The following AGBL4 variants were observed in gnomAD, a reference collection of about 807,000 sequenced individuals.
The protein encoded by AGBL4 is AGBL carboxypeptidase 4, also known as cytosolic carboxypeptidase 6.
AGBL4 carries 58 observed loss-of-function variants against 66.4 expected under a neutral mutation model. The observed-to-expected ratio is 0.87, with a 90% CI of 0.71 to 1.09. The LOEUF is 1.09. Ranked by LOEUF, AGBL4 falls within the 50% of genes least tolerant of loss-of-function variation. AGBL4 has a pLI of 0.00. For synonymous variants in AGBL4, 234 were observed against 222.9 expected (o/e 1.05, Z -0.44); for missense variants, 579 against 631.0 (o/e 0.92, Z 0.88).
chr1:49,244,786 T>G (rs1651509251), intron 4 of AGBL4, among the ~76,000 whole-genome samples: 1 of 151,860 alleles, frequency 6.6e-6, no homozygotes, highest in Non-Finnish European at 1.5e-5. Context: ...TAAATTCTCA[T>G]AACAAATTCA....
intron 11 of AGBL4, among the ~76,000 whole-genome samples, chr1:48,544,258 C>A (rs936755207): frequency 6.6e-6 from 1 of 152,114 alleles, no homozygotes; most frequent in Admixed American, 6.5e-5. Flanking sequence ...CCAGCTTTCA[C>A]CCAGCCAGTC....
chr1:48,725,184 T>C (rs1457429158), intron 6 of AGBL4, among the ~76,000 whole-genome samples: 1 of 152,226 alleles, frequency 6.6e-6, no homozygotes, highest in Non-Finnish European at 1.5e-5. Flanking sequence ...CCCATCCATT[T>C]CTTTTTAATA....
intron 4 of AGBL4, among the ~76,000 whole-genome samples, chr1:49,227,487 T>A (rs1650001845): frequency 1.3e-5 from 2 of 152,154 alleles, no homozygotes; most frequent in Non-Finnish European, 2.9e-5. Flanking sequence ...CTCAGGTGCA[T>A]ATCTGATCAC....
intron 2 of AGBL4, among the ~76,000 whole-genome samples, chr1:49,832,993 T>A (rs1645737470): frequency 1.3e-5 from 2 of 151,980 alleles, no homozygotes; most frequent in Non-Finnish European, 1.5e-5. Flanking sequence ...AGCTCTTTAG[T>A]TTAATTAGAT....
intron 2 of AGBL4, among the ~76,000 whole-genome samples, chr1:49,798,098 T>C (rs1475820628): frequency 1.3e-5 from 2 of 152,146 alleles, no homozygotes; most frequent in Non-Finnish European, 2.9e-5. Flanking sequence ...GAGATATTCT[T>C]GACCAATAAA....
intron 1 of AGBL4, among the ~76,000 whole-genome samples, chr1:49,919,247 G>A (rs1159577862): frequency 6.6e-6 from 1 of 152,116 alleles, no homozygotes. Context: ...CAATCAGGCA[G>A]GAGAAAGAAA....
intron 4 of AGBL4, among the ~76,000 whole-genome samples, chr1:49,158,548 T>C (rs765215863): frequency 1.3e-5 from 2 of 152,136 alleles, no homozygotes; most frequent in Admixed American, 1.3e-4. Flanking sequence ...ATTCTGTTGA[T>C]GTGGGGTGGA....
In AGBL4 at chr1:48,533,998, T is replaced by C. The variant is rs1337133983; in HGVS notation, c.*175A>G. ...TTTGAGCTGAAGGCTTACAATTGAT[T>C]TTCCATTGGAAAAAGGGAAAATCAG... On this transcript the variant is annotated 3_prime_UTR_variant, in exon 14 of 14. Coordinates refer to ENST00000371839, the MANE Select transcript of AGBL4 (RefSeq NM_032785.4). 2.8e-6 allele frequency: 3 copies of C among 1,087,408 alleles called. No individual in the cohort carries two copies. Among genetic ancestry groups the C allele is most frequent in the Non-Finnish European group, 4.0e-6 (3 of 747,806 alleles). The allele number at this position is 1,087,408 out of a possible 1,614,324, so 67.4% of individuals were successfully genotyped here. A position where few individuals can be genotyped will look rare whatever the true frequency, so the allele number is the denominator to read the frequency against.
chr1:48,892,149 G>A (rs1490423298), intron 5 of AGBL4, among the ~76,000 whole-genome samples: 4 of 152,104 alleles, frequency 2.6e-5, no homozygotes, highest in Non-Finnish European at 4.4e-5. Context: ...GCTTCTGGTG[G>A]TTGCTGGCAG....
At chr1:48,610,630 C>T (rs1337166929) in intron 9 of AGBL4, among the ~76,000 whole-genome samples, 1 of 152,162 alleles carries the variant, frequency 6.6e-6, no homozygotes, top group Non-Finnish European at 1.5e-5. Flanking sequence ...TTCCATCTTC[C>T]TTGTCATTAT....
chr1:48,762,314 GTTTC>G (rs1644304069), intron 6 of AGBL4, among the ~76,000 whole-genome samples: 1 of 152,174 alleles, frequency 6.6e-6, no homozygotes, highest in Non-Finnish European at 1.5e-5. Context: ...AAGATAATCT[GTTTC>G]TTTTTCTGCA....
chr1:49,090,598 A>G (rs534755385), intron 4 of AGBL4, among the ~76,000 whole-genome samples: 46 of 152,354 alleles, frequency 3.0e-4, no homozygotes, highest in Middle Eastern at 3.4e-3. Context: ...GATGCAAACA[A>G]ATAGATAAAT....
At chr1:48,629,983 CA>C (rs1645567414) in intron 9 of AGBL4, among the ~76,000 whole-genome samples, 1 of 152,182 alleles carries the variant, frequency 6.6e-6, no homozygotes, top group Non-Finnish European at 1.5e-5. Flanking sequence ...TTATCCTGAG[CA>C]CCTGCTTACA....
intron 4 of AGBL4, among the ~76,000 whole-genome samples, chr1:49,148,293 T>C (rs1351883484): frequency 2.0e-5 from 3 of 152,172 alleles, no homozygotes; most frequent in Admixed American, 1.3e-4. Flanking sequence ...GTGGTTTCCA[T>C]GGTAGTCTCC....
chr1:49,180,776 C>G (rs1263558449), intron 4 of AGBL4, among the ~76,000 whole-genome samples: 1 of 152,134 alleles, frequency 6.6e-6, no homozygotes, highest in African/African-American at 2.4e-5. Context: ...GAACCAAGAG[C>G]ATTGTGAGCC....
intron 3 of AGBL4, among the ~76,000 whole-genome samples, chr1:49,391,162 A>G (rs747581035): frequency 2.0e-5 from 3 of 152,186 alleles, no homozygotes; most frequent in Non-Finnish European, 4.4e-5. Context: ...GTTGTAGCAT[A>G]CAATCAGCGT....
chr1:49,713,951 C>A (rs1164971292), intron 2 of AGBL4, among the ~76,000 whole-genome samples: 3 of 151,850 alleles, frequency 2.0e-5, no homozygotes, highest in South Asian at 2.1e-4. Flanking sequence ...GGATTTTAAC[C>A]ACGAATAACT....
intron 8 of AGBL4, among the ~76,000 whole-genome samples, chr1:48,644,029 C>G (rs1388778382): frequency 6.6e-6 from 1 of 152,088 alleles, no homozygotes; most frequent in Admixed American, 6.5e-5. Flanking sequence ...ATTTTGACTC[C>G]TATTTTTCTG....
chr1:48,890,501 A>G (rs1239727069), intron 5 of AGBL4, among the ~76,000 whole-genome samples: 1 of 152,194 alleles, frequency 6.6e-6, no homozygotes, highest in Non-Finnish European at 1.5e-5. Context: ...AGCAATAGCT[A>G]GGCTACTAGT....
Sources: gnomAD v4.1 joint callset for allele counts (sites outside exome capture counted in the v4.1 genomes callset) on GRCh38, gnomAD v4.1.1 for gene constraint, MANE v1.5 for transcripts, NCBI Gene and HGNC (gene_info 2026-07-23, HGNC 2026-07-21) for gene names.